SLCO3A1: variants seen among roughly 807,000 people sequenced by gnomAD.
The protein encoded by SLCO3A1 is solute carrier organic anion transporter family member 3A1, also known as PGE1 transporter.
In SLCO3A1, 27 loss-of-function variants were observed where a neutral mutation model predicts 63.1. That is an observed-to-expected ratio of 0.43 (90% CI 0.32 to 0.59). SLCO3A1 has a LOEUF of 0.59. Ranked by LOEUF, SLCO3A1 falls within the 20% of genes least tolerant of loss-of-function variation. The probability of loss-of-function intolerance (pLI) is 0.09; values close to 1 mark genes in which losing one functional copy is unlikely to be tolerated. For missense variants in SLCO3A1, 773 were observed against 945.8 expected (o/e 0.82, Z 2.40); for synonymous variants, 473 against 409.9 (o/e 1.15, Z -1.86).
In SLCO3A1 at chr15:91,907,772, C is replaced by T. The variant is rs150601168; in HGVS notation, c.181-8221C>T. On this transcript the variant is annotated intron_variant, in intron 1 of 9. Coordinates refer to ENST00000318445, the MANE Select transcript of SLCO3A1 (RefSeq NM_013272.4). Reference sequence around the variant, plus strand: ...AACTCCTGACCTCAGGTGATCCACCCGTCTCGGCCTCCCAAAGTGCTGGGA... The same window carrying T: ...AACTCCTGACCTCAGGTGATCCACCTGTCTCGGCCTCCCAAAGTGCTGGGA... Among the ~76,000 whole-genome samples the T allele has an allele frequency of 2.7e-4, 41 of 152,254 alleles. 1 individual carries two copies. The East Asian group carries it at 7.0e-3, about 26-fold the overall frequency.
At chr15:92,061,435 G>A (rs942531970) in intron 2 of SLCO3A1, among the ~76,000 whole-genome samples, 2 of 152,210 alleles carry the variant, frequency 1.3e-5, no homozygotes, top group Non-Finnish European at 2.9e-5. Context: ...CTCCCCACTG[G>A]CATTTGATTC....
intron 2 of SLCO3A1, among the ~76,000 whole-genome samples, chr15:92,022,795 C>T (rs1322207529): frequency 6.6e-6 from 1 of 152,160 alleles, no homozygotes; most frequent in Non-Finnish European, 1.5e-5. Flanking sequence ...TAGGTAACAT[C>T]TGCACCAGGG....
intron 4 of SLCO3A1, among the ~76,000 whole-genome samples, chr15:92,112,769 G>T (rs898901369): frequency 6.6e-6 from 1 of 152,188 alleles, no homozygotes; most frequent in African/African-American, 2.4e-5. Flanking sequence ...AGCGCATGAA[G>T]GCTCTGAGAA....
chr15:92,096,340 A>AT (rs1032491026), intron 3 of SLCO3A1, among the ~76,000 whole-genome samples: 3 of 152,166 alleles, frequency 2.0e-5, no homozygotes, highest in Admixed American at 2.0e-4. Context: ...CTTCTGCTGT[A>AT]TTTCGTTTGT....
intron 2 of SLCO3A1, among the ~76,000 whole-genome samples, chr15:92,091,447 T>C (rs1030012755): frequency 3.9e-5 from 6 of 152,168 alleles, no homozygotes; most frequent in African/African-American, 1.4e-4. Flanking sequence ...CGAGCTGGCT[T>C]TGCCAAAACA....
Position 92,164,976 on chromosome 15 carries a change from T to C in SLCO3A1, c.*1841T>C. The C allele has an allele frequency of 1.0e-6, 1 of 985,376 alleles. No homozygotes were observed. Among genetic ancestry groups the C allele is most frequent in the Non-Finnish European group, 1.2e-6 (1 of 829,926 alleles). 61.0% of individuals were successfully genotyped at this position (985,376 alleles called of 1,614,324 possible). On this transcript the variant is annotated 3_prime_UTR_variant, in exon 10 of 10. Transcript: ENST00000318445. ...GAAAAAAAACTCAAAGGTTGATTGG[T>C]TTGCTTTTTCACCTTGGACACATTT...
intron 1 of SLCO3A1, among the ~76,000 whole-genome samples, chr15:91,911,376 G>A (rs1179806575): frequency 6.6e-6 from 1 of 152,154 alleles, no homozygotes; most frequent in African/African-American, 2.4e-5. Flanking sequence ...AGTGTCACCA[G>A]GTAGCTTGTT....
chr15:92,150,170 G>A (rs532985280), intron 8 of SLCO3A1, among the ~76,000 whole-genome samples: 7 of 152,132 alleles, frequency 4.6e-5, no homozygotes, highest in Non-Finnish European at 8.8e-5. Flanking sequence ...GGGCAGAAGG[G>A]GTCCAGCAAG....
In SLCO3A1 at chr15:91,942,912, A is replaced by G. The variant is rs1469803124; in HGVS notation, c.646+26454A>G. ...AGTTCCCCTATTGATCAGACAGAGC[A>G]GAACTGCTCTGCCCGAGTGGGCGTG... On this transcript the variant is annotated intron_variant, in intron 2 of 9. Transcript: ENST00000318445. The surrounding 1 kb of genome is among the most constrained non-coding windows in gnomAD (Gnocchi z 4.1). Among the ~76,000 whole-genome samples, 1 of 152,204 alleles carries G rather than the reference A, an allele frequency of 6.6e-6. No homozygotes were observed. The highest frequency in any genetic ancestry group is 1.5e-5 in the Non-Finnish European group (1 of 68,038).
intron 1 of SLCO3A1, among the ~76,000 whole-genome samples, chr15:91,877,818 CA>C (rs1001002807): frequency 5.3e-5 from 8 of 152,028 alleles, no homozygotes; most frequent in African/African-American, 1.9e-4. Context: ...AATGAACCTA[CA>C]AAAAAATCTG....
chr15:92,121,369 A>G (rs1197458976), intron 5 of SLCO3A1, among the ~76,000 whole-genome samples: 9 of 152,252 alleles, frequency 5.9e-5, no homozygotes, highest in Non-Finnish European at 1.3e-4. Flanking sequence ...AGCAACAGAC[A>G]TAGCAGTCAA....
chr15:92,160,906 C>G (rs1035857859), intron 9 of SLCO3A1, among the ~76,000 whole-genome samples: 2 of 152,138 alleles, frequency 1.3e-5, no homozygotes, highest in Non-Finnish European at 2.9e-5. Flanking sequence ...GTTATTCCAG[C>G]AATCATGGAT....
At chr15:92,070,453 G>GCC (rs1307212334) in intron 2 of SLCO3A1, among the ~76,000 whole-genome samples, 1 of 152,080 alleles carries the variant, frequency 6.6e-6, no homozygotes, top group Admixed American at 6.5e-5. Flanking sequence ...GACCAGCCTG[G>GCC]CCCACATGGG....
chr15:91,877,531 G>A (rs537470292), intron 1 of SLCO3A1, among the ~76,000 whole-genome samples: 1 of 152,276 alleles, frequency 6.6e-6, no homozygotes, highest in Admixed American at 6.5e-5. Context: ...GAGTGGTATG[G>A]TGGCCGAATG....
intron 1 of SLCO3A1, among the ~76,000 whole-genome samples, chr15:91,905,561 C>T (rs1031435291): frequency 2.0e-5 from 3 of 149,096 alleles, no homozygotes; most frequent in South Asian, 4.2e-4. Context: ...CATGGTCGAT[C>T]GAATCCCTGG....
rs1896927780 is a variant in SLCO3A1 at position 91,856,658 on chromosome 15, C to T, written c.180+2570C>T. 6.6e-6 allele frequency among the ~76,000 whole-genome samples: 1 copy of T among 152,170 alleles called. No individual in the cohort carries two copies. Among genetic ancestry groups the T allele is most frequent in the Non-Finnish European group, 1.5e-5 (1 of 68,026 alleles). On this transcript the variant is annotated intron_variant, in intron 1 of 9. Coordinates refer to ENST00000318445, the MANE Select transcript of SLCO3A1 (RefSeq NM_013272.4). This position sits in a 1 kb window ranked among gnomAD's most constrained non-coding sequence, Gnocchi z 4.9. ...CTTGTGTCTGTAGGGGACCACAGGG[C>T]AGGGTCCACGTGCTAAGTGTGCGTT...
exon 11 of SLCO3A1, chr15:92,171,892 G>A (rs1167663905): frequency 6.6e-7 from 1 of 1,518,002 alleles, no homozygotes; most frequent in South Asian, 1.2e-5. Flanking sequence ...TTCCTGGAGA[G>A]AACAGCCCAC....
At chr15:91,999,656 G>C (rs947359802) in intron 2 of SLCO3A1, among the ~76,000 whole-genome samples, 1 of 152,264 alleles carries the variant, frequency 6.6e-6, no homozygotes, top group Non-Finnish European at 1.5e-5. Context: ...GCCAGGGGCA[G>C]TGGTGCATGC....
In SLCO3A1 at chr15:91,905,537, G is replaced by A. The variant is rs545817427; in HGVS notation, c.181-10456G>A. Among the ~76,000 whole-genome samples, 14 of 150,594 alleles carry A rather than the reference G, an allele frequency of 9.3e-5. 2 individuals carry two copies. Among genetic ancestry groups the A allele is most frequent in the African/African-American group, 3.4e-4 (14 of 41,080 alleles). The stretch of plus-strand genomic sequence containing the variant: ...GTTGTTATTTTTTTTATTTTTTTCC[G>A]GATATTTTGGATCCATGGTCGATCG... On this transcript the variant is annotated intron_variant, in intron 1 of 9. Transcript: ENST00000318445.
Sources: allele counts gnomAD v4.1 joint callset (sites outside exome capture counted in the v4.1 genomes callset), GRCh38; gene constraint gnomAD v4.1.1; non-coding constraint Gnocchi (gnomAD v3.1); transcripts MANE v1.5; gene names NCBI Gene and HGNC (gene_info 2026-07-23, HGNC 2026-07-21).